The following IBTK variants were observed in gnomAD, a reference collection of about 807,000 sequenced individuals.
IBTK encodes inhibitor of Bruton tyrosine kinase.
A neutral mutation model predicts 154.9 loss-of-function variants in IBTK; 83 were observed. The ratio of observed to expected loss-of-function variants is 0.54; its 90% CI spans 0.45 to 0.64. The LOEUF is 0.64. Among genes scored for constraint, IBTK ranks in the 30% least tolerant of loss-of-function variants. IBTK has a pLI of 0.00. For synonymous variants in IBTK, 515 were observed against 536.1 expected (o/e 0.96, Z 0.54); for missense variants, 1,332 against 1,584.6 (o/e 0.84, Z 2.71).
chr6:82,200,791 T>G, intron 19 of IBTK, 83 bp from the exon 20 acceptor site: 1 of 1,347,894 alleles, frequency 7.4e-7, no homozygotes, highest in African/African-American at 1.7e-5. Context: ...TGTGCACACG[T>G]GGCTCTTGCC....
chr6:82,234,270 CA>C lies in IBTK; in HGVS notation c.322-16del. 1 of 1,069,796 alleles carries C rather than the reference CA, an allele frequency of 9.3e-7. No individual in the cohort carries two copies. Among genetic ancestry groups the C allele is most frequent in the South Asian group, 1.8e-5 (1 of 55,670 alleles). 66.3% of individuals were successfully genotyped at this position (1,069,796 alleles called of 1,614,324 possible). ...CTAACACCATGCTAAAACAAACAAA[CA>C]AACAAATACATAAATATATATATAT... On this transcript the variant is annotated splice_polypyrimidine_tract_variant and intron_variant, in intron 2 of 28. Coordinates refer to ENST00000306270, the MANE Select transcript of IBTK (RefSeq NM_015525.4).
chr6:82,239,683 C>T (rs563707666), intron 2 of IBTK, among the ~76,000 whole-genome samples: 1 of 151,736 alleles, frequency 6.6e-6, no homozygotes, highest in Non-Finnish European at 1.5e-5. Flanking sequence ...TCCACTCTAA[C>T]CAATTAAATA....
chr6:82,187,362 A>G (rs1461884432), intron 25 of IBTK, among the ~76,000 whole-genome samples: 1 of 152,136 alleles, frequency 6.6e-6, no homozygotes, highest in Non-Finnish European at 1.5e-5. Context: ...TCAATGTGGC[A>G]CTCTAAGCTC....
chr6:82,231,692 G>C, intron 4 of IBTK, 26 bp downstream of exon 4: 2 of 1,563,442 alleles, frequency 1.3e-6, no homozygotes, highest in Non-Finnish European at 1.7e-6. Flanking sequence ...ATCTCTAAAA[G>C]TATATAGATT....
At chr6:82,206,831 T>A (rs1219912406) in intron 16 of IBTK, among the ~76,000 whole-genome samples, 2 of 152,024 alleles carry the variant, frequency 1.3e-5, no homozygotes, top group Non-Finnish European at 2.9e-5. Flanking sequence ...TAAAGTATAA[T>A]AAACACACGG....
intron 17 of IBTK, 141 bp from the exon 18 acceptor site, chr6:82,202,786 C>A: frequency 1.8e-6 from 1 of 546,990 alleles, no homozygotes; most frequent in South Asian, 2.6e-5. Context: ...TAAGTTAATA[C>A]TGGGGCAAAT....
intron 16 of IBTK, 82 bp from the exon 17 acceptor site, chr6:82,205,040 C>T (rs1206884892): frequency 1.6e-6 from 1 of 638,300 alleles, no homozygotes; most frequent in Non-Finnish European, 2.5e-6. Flanking sequence ...AATTAGTACA[C>T]TAGAAAAGAG....
At chr6:82,173,542 G>A (rs1003994732) in intron 26 of IBTK, 104 bp from the exon 27 acceptor site, 84 of 836,638 alleles carry the variant, frequency 1.0e-4, no homozygotes, top group Non-Finnish European at 1.5e-4. Context: ...TGACTCCAGA[G>A]GCAAATTAAA....
At chr6:82,238,228 A>T (rs188115087) in intron 2 of IBTK, among the ~76,000 whole-genome samples, 1 of 152,088 alleles carries the variant, frequency 6.6e-6, no homozygotes, top group Non-Finnish European at 1.5e-5. Flanking sequence ...TGGGTAACAA[A>T]GCAAGACTCC....
In IBTK at chr6:82,191,083, C is replaced by T. The variant is rs775542350; in HGVS notation, c.3565G>A (p.Val1189Met). Reference protein sequence around the residue: ...LFTPSKAPKPVNAWASSLHSV... With the variant: ...LFTPSKAPKPMNAWASSLHSV... Reference sequence around the variant, plus strand: ...AAAATAAGAGCATACCATGCATTCACTGGTTTGGGGGCTTTTGAAGGAGTG... The same window carrying T: ...AAAATAAGAGCATACCATGCATTCATTGGTTTGGGGGCTTTTGAAGGAGTG... The change falls in exon 25 of 29, where the codon GTG (valine) becomes ATG (methionine). Residue 1189 changes from valine to methionine, a missense_variant. Coordinates refer to ENST00000306270, the MANE Select transcript of IBTK (RefSeq NM_015525.4). 3 of 1,556,766 alleles carry T rather than the reference C, an allele frequency of 1.9e-6. No homozygotes were observed. The highest frequency in any genetic ancestry group is 2.0e-5 in the Admixed American group (1 of 49,450).
chr6:82,193,709 T>C (rs918158787), intron 23 of IBTK, among the ~76,000 whole-genome samples: 1 of 152,018 alleles, frequency 6.6e-6, no homozygotes, highest in African/African-American at 2.4e-5. Context: ...TGAGATGGAG[T>C]CTTGCTCTGT....
chr6:82,199,728 A>G (rs1271530269), intron 21 of IBTK, among the ~76,000 whole-genome samples: 2 of 152,186 alleles, frequency 1.3e-5, no homozygotes, highest in Non-Finnish European at 2.9e-5. Flanking sequence ...TTAGAATAAA[A>G]CACAAATTCC....
intron 7 of IBTK, 56 bp downstream of exon 7, chr6:82,224,007 AAAGAT>A: frequency 2.1e-6 from 2 of 934,422 alleles, no homozygotes; most frequent in Non-Finnish European, 3.4e-6. Flanking sequence ...ATTAAAAAGA[AAAGAT>A]AATTTTTTAA....
At chr6:82,238,698 C>T (rs1433285570) in intron 2 of IBTK, among the ~76,000 whole-genome samples, 1 of 152,024 alleles carries the variant, frequency 6.6e-6, no homozygotes, top group East Asian at 1.9e-4. Context: ...GCCTTTGCCT[C>T]CAAGAGTGCT....
chr6:82,198,812 G>A (rs1051192767), intron 21 of IBTK, among the ~76,000 whole-genome samples: 1 of 151,938 alleles, frequency 6.6e-6, no homozygotes, highest in Non-Finnish European at 1.5e-5. Context: ...CTACTAAAAC[G>A]TATATAGTTT....
chr6:82,188,426 A>C (rs535968466), intron 25 of IBTK, among the ~76,000 whole-genome samples: 23 of 152,184 alleles, frequency 1.5e-4, no homozygotes, highest in African/African-American at 5.5e-4. Flanking sequence ...TACTATAAAA[A>C]TAAATTAATT....
In IBTK at chr6:82,212,729, G is replaced by C; in HGVS notation, c.2269C>G (p.Leu757Val). The C allele has an allele frequency of 6.3e-7, 1 of 1,594,828 alleles. No homozygotes were observed. Among genetic ancestry groups the C allele is most frequent in the Non-Finnish European group, 8.6e-7 (1 of 1,162,936 alleles). ...NVIAKNTGNK[L>V]KLSQKKCSFL... is the part of the protein sequence containing the mutation. ...TACCATTTTTTCTGACTTAGCTTCA[G>C]TTTATTACCAGTGTTCTTGGCAATA... Residue 757 changes from leucine (L) to valine (V), a missense_variant, in exon 13 of 29, where the codon CTG (leucine) becomes GTG (valine). This residue lies in a region of IBTK where 1,134 missense variants were observed against 1,274.7 expected (regional missense o/e 0.89). Coordinates refer to ENST00000306270, the MANE Select transcript of IBTK (RefSeq NM_015525.4).
At chr6:82,175,828 G>A (rs775620783) in intron 26 of IBTK, among the ~76,000 whole-genome samples, 1 of 151,794 alleles carries the variant, frequency 6.6e-6, no homozygotes, top group Non-Finnish European at 1.5e-5. Context: ...TCAGGAGTTC[G>A]AGACCACCCT....
intron 2 of IBTK, 142 bp from the exon 3 acceptor site, chr6:82,234,397 G>C: frequency 4.3e-6 from 1 of 231,204 alleles, no homozygotes; most frequent in African/African-American, 2.3e-5. Context: ...GTGATGCAAT[G>C]GCGCAATCTT....
Sources: gnomAD v4.1 joint callset for allele counts (sites outside exome capture counted in the v4.1 genomes callset) on GRCh38, gnomAD v4.1.1 for gene constraint, gnomAD v4.1.1 regional missense constraint, MANE v1.5 for transcripts, NCBI Gene and HGNC (gene_info 2026-07-23, HGNC 2026-07-21) for gene names.